The following SLC71A2 variants were observed in gnomAD, a reference collection of about 807,000 sequenced individuals.
SLC71A2 encodes the protein hippocampus abundant transcript-like 1.
chr9:94,385,272 C>T, the SLC71A2 span, among the ~76,000 whole-genome samples: 1 of 152,052 alleles, frequency 6.6e-6, no homozygotes, highest in Non-Finnish European at 1.5e-5. Context: ...ACTTTGTTGC[C>T]TGGGTTTTTG....
chr9:94,387,685 T>G, the SLC71A2 span, among the ~76,000 whole-genome samples: 1 of 152,242 alleles, frequency 6.6e-6, no homozygotes, highest in East Asian at 1.9e-4. Context: ...TAGTTCCTTA[T>G]GTTGCCTATA....
At chr9:94,399,743 C>G in the SLC71A2 span, among the ~76,000 whole-genome samples, 3 of 151,642 alleles carry the variant, frequency 2.0e-5, no homozygotes, top group African/African-American at 7.3e-5. Flanking sequence ...GGTGGTCGAT[C>G]TAGGTCTTGT....
the SLC71A2 span, among the ~76,000 whole-genome samples, chr9:94,379,381 T>A: frequency 7.3e-6 from 1 of 136,602 alleles, no homozygotes; most frequent in Non-Finnish European, 1.6e-5. Flanking sequence ...CCACTGCGCC[T>A]GGCCCTTTTT....
chr9:94,440,806 A>G, the SLC71A2 span, among the ~76,000 whole-genome samples: 1 of 152,128 alleles, frequency 6.6e-6, no homozygotes, highest in Non-Finnish European at 1.5e-5. Context: ...TGATGAAATT[A>G]GAATGTTTCT....
chr9:94,456,477 G>A, the SLC71A2 span: 3 of 618,370 alleles, frequency 4.9e-6, no homozygotes, highest in African/African-American at 5.5e-5. Flanking sequence ...ATTTACTTTG[G>A]CAGATAGGAA....
At chr9:94,422,037 C>T in the SLC71A2 span, among the ~76,000 whole-genome samples, 2 of 152,120 alleles carry the variant, frequency 1.3e-5, no homozygotes, top group African/African-American at 2.4e-5. Flanking sequence ...CTCAGCCTCC[C>T]GAGTCCCGGC....
the SLC71A2 span, among the ~76,000 whole-genome samples, chr9:94,379,437 G>A: frequency 2.8e-5 from 4 of 142,224 alleles, no homozygotes; most frequent in Admixed American, 2.8e-4. Context: ...ATCCAGGCTG[G>A]AGTGCGGTGG....
chr9:94,379,990 G>A, the SLC71A2 span, among the ~76,000 whole-genome samples: 1 of 152,176 alleles, frequency 6.6e-6, no homozygotes, highest in Non-Finnish European at 1.5e-5. Context: ...AGTTTCAGCT[G>A]GACGCGGTGG....
At chr9:94,403,987 T>C in the SLC71A2 span, among the ~76,000 whole-genome samples, 70 of 152,138 alleles carry the variant, frequency 4.6e-4, no homozygotes, top group Non-Finnish European at 8.2e-4. Context: ...TATCAATGGA[T>C]TAATGCTGCT....
At chr9:94,444,813 G>T in the SLC71A2 span, 2 of 639,162 alleles carry the variant, frequency 3.1e-6, no homozygotes, top group Non-Finnish European at 5.6e-6. Flanking sequence ...TAAAGCCAGG[G>T]AAGCATGGCT....
At chr9:94,459,109 G>A in the SLC71A2 span, 4 of 1,570,856 alleles carry the variant, frequency 2.5e-6, no homozygotes, top group Non-Finnish European at 3.5e-6. Flanking sequence ...ATAATTTTGA[G>A]TTAAAAGACT....
chr9:94,431,015 T>A, the SLC71A2 span, among the ~76,000 whole-genome samples: 302 of 152,280 alleles, frequency 2.0e-3, 3 homozygotes, highest in African/African-American at 6.7e-3. Flanking sequence ...AACAACATAC[T>A]TAAAATTATT....
the SLC71A2 span, chr9:94,415,137 C>T: frequency 2.6e-6 from 4 of 1,556,196 alleles, no homozygotes; most frequent in Non-Finnish European, 3.5e-6. Flanking sequence ...TGCTAATTTT[C>T]ATAATAACTT....
At chr9:94,437,877 T>G in the SLC71A2 span, among the ~76,000 whole-genome samples, 1 of 147,302 alleles carries the variant, frequency 6.8e-6, no homozygotes, top group Non-Finnish European at 1.5e-5. Flanking sequence ...CTTTTTTACT[T>G]CTTCCTTCCC....
At chr9:94,441,012 T>G in the SLC71A2 span, 2 of 1,611,752 alleles carry the variant, frequency 1.2e-6, no homozygotes, top group Non-Finnish European at 1.7e-6. Flanking sequence ...TTTCTGTGTC[T>G]GGAGTCTTCT....
At chr9:94,454,999 T>TC in the SLC71A2 span, among the ~76,000 whole-genome samples, 1 of 152,194 alleles carries the variant, frequency 6.6e-6, no homozygotes, top group South Asian at 2.1e-4. Flanking sequence ...AAATGCCTTC[T>TC]CCATTTTAGA....
chr9:94,377,553 T>TAA, the SLC71A2 span, among the ~76,000 whole-genome samples: 44 of 132,112 alleles, frequency 3.3e-4, no homozygotes, highest in East Asian at 1.6e-3. Flanking sequence ...TTTTTTTTTT[T>TAA]AATTTATTTT....
At chr9:94,445,530 A>G in the SLC71A2 span, among the ~76,000 whole-genome samples, 1 of 152,356 alleles carries the variant, frequency 6.6e-6, no homozygotes, top group Admixed American at 6.5e-5. Context: ...TAACTCAAAA[A>G]GGATAAATGC....
At chr9:94,439,580 T>C in the SLC71A2 span, among the ~76,000 whole-genome samples, 1 of 151,314 alleles carries the variant, frequency 6.6e-6, no homozygotes, top group African/African-American at 2.4e-5. Flanking sequence ...AATATTTTCA[T>C]TTGATTATTT....
Sources: gnomAD v4.1 joint callset for allele counts (sites outside exome capture counted in the v4.1 genomes callset) on GRCh38, gnomAD v4.1.1 for gene constraint, MANE v1.5 for transcripts, NCBI Gene and HGNC (gene_info 2026-07-23, HGNC 2026-07-21) for gene names.